Variants in ABCF3 observed in about 807,000 individuals in gnomAD.
ABCF3 encodes ATP binding cassette subfamily F member 3.
In ABCF3, 62 loss-of-function variants were observed where a neutral mutation model predicts 94.3. The observed-to-expected ratio is 0.66, with a 90% CI of 0.54 to 0.81. The LOEUF (loss-of-function observed/expected upper bound fraction) is 0.81, where lower values mean the gene tolerates loss of function less well. ABCF3 is among the 40% of genes least tolerant of loss of function. The pLI is 0.00. For missense variants in ABCF3, 843 were observed against 925.3 expected (o/e 0.91, Z 1.15); for synonymous variants, 355 against 361.1 (o/e 0.98, Z 0.19).
At chr3:184,192,028 G>C (rs537953204) in intron 16 of ABCF3, among the ~76,000 whole-genome samples, 5 of 152,206 alleles carry the variant, frequency 3.3e-5, no homozygotes, top group African/African-American at 1.2e-4. Flanking sequence ...ATACAGGCCT[G>C]AGCCACCGTG....
Position 184,186,741 on chromosome 3 carries a change from C to A in ABCF3, c.222-55C>A, listed in dbSNP as rs1428610701. ...AGGTGGGGGAGGAAGATCTGATGGC[C>A]ATAGAGCTTTTCCCTCAACTCCTAA... is the stretch of plus-strand genomic sequence containing the variant. On this transcript the variant is annotated intron_variant, in intron 2 of 20. Transcript: ENST00000429586. 2.5e-6 allele frequency: 4 copies of A among 1,597,696 alleles called. No individual in the cohort carries two copies. In the Admixed American group the frequency reaches 5.1e-5, roughly 21 times the overall value.
intron 7 of ABCF3, 149 bp downstream of exon 7, chr3:184,188,556 TC>T: frequency 8.7e-7 from 1 of 1,149,078 alleles, no homozygotes; most frequent in Non-Finnish European, 1.2e-6. Context: ...CCTTGTTCTT[TC>T]CACAGTGCCC....
Position 184,189,559 on chromosome 3 carries a change from G to C in ABCF3, c.1116G>C (p.Thr372=). Residue 372 remains threonine, a splice_region_variant and synonymous_variant, in exon 13 of 21, where the codon ACG becomes ACC. Transcript: ENST00000429586. ...CCTGCTGTCCTGTGACCCCTCAGAC[G>C]TGGCCCTCCACCATCCTAGTCGTCT... is the stretch of plus-strand genomic sequence containing the variant. ...AILWLENYLQ[T]WPSTILVVSH... 1.9e-6 allele frequency: 3 copies of C among 1,613,996 alleles called. No homozygotes were observed. The highest frequency in any genetic ancestry group is 2.5e-6 in the Non-Finnish European group (3 of 1,180,026).
chr3:184,186,451 C>G, intron 1 of ABCF3, 56 bp from the exon 2 acceptor site: 1 of 1,583,840 alleles, frequency 6.3e-7, no homozygotes, highest in East Asian at 2.2e-5. Flanking sequence ...GGGTCTGAAA[C>G]TGCTTGTGTG....
chr3:184,191,291 C>T, intron 16 of ABCF3, 36 bp downstream of exon 16: 1 of 1,611,818 alleles, frequency 6.2e-7, no homozygotes, highest in Non-Finnish European at 8.5e-7. Context: ...CGAGCTGGGA[C>T]TCTCCTGTCT....
chr3:184,190,171 A>G (rs1715926961), intron 14 of ABCF3: 1 of 573,824 alleles, frequency 1.7e-6, no homozygotes, highest in African/African-American at 1.9e-5. Flanking sequence ...TATTCTGGGC[A>G]TTTCATATAA....
In ABCF3 at chr3:184,193,728, A is replaced by G. The variant is rs577625968; in HGVS notation, c.*30A>G. On this transcript the variant is annotated 3_prime_UTR_variant, in exon 21 of 21. Transcript: ENST00000429586. This position sits in a 1 kb window ranked among gnomAD's most constrained non-coding sequence, Gnocchi z 5.2. ...ACCAGGCTGAGGACTCGCCCAGGAC[A>G]TGGACTGGTCTCTCAGACCCCTGGG... 53 of 1,560,852 alleles carry G rather than the reference A, an allele frequency of 3.4e-5. No individual in the cohort carries two copies. The Middle Eastern group carries it at 6.8e-4, about 20-fold the overall frequency.
chr3:184,191,560 G>A (rs1276822207), intron 16 of ABCF3, among the ~76,000 whole-genome samples: 1 of 152,128 alleles, frequency 6.6e-6, no homozygotes, highest in Non-Finnish European at 1.5e-5. Context: ...GAGAGCATGG[G>A]CTTCAGGGTC....
chr3:184,186,624 T>C lies in ABCF3; in HGVS notation c.191T>C (p.Val64Ala). ...DSKDDAGIRA[V>A]CQRMYNTLRL... ...AAGGATGACGCGGGCATCAGGGCCG[T>C]GTGCCAGCGCATGTACAACACTCTG... The change falls in exon 2 of 21, where the codon GTG (valine) becomes GCG (alanine). Residue 64 changes from valine to alanine, a missense_variant. Coordinates refer to ENST00000429586, the MANE Select transcript of ABCF3 (RefSeq NM_018358.3). 6.2e-7 allele frequency: 1 copy of C among 1,612,706 alleles called. No individual in the cohort carries two copies. Among genetic ancestry groups the C allele is most frequent in the Non-Finnish European group, 8.5e-7 (1 of 1,179,290 alleles).
rs773096504 is a variant in ABCF3, at chr3:184,188,772, C to T, written c.848C>T (p.Ser283Phe). The T allele has an allele frequency of 1.9e-6, 3 of 1,613,794 alleles. No individual in the cohort carries two copies. Among genetic ancestry groups the T allele is most frequent in the African/African-American group, 2.7e-5 (2 of 74,910 alleles). ...TCTCCTCCCTCCAGGGCGGAGGGCT[C>T]TGAAGCTGCAGAGCTGGCAGAAATC... is the stretch of plus-strand genomic sequence containing the variant. ...AQIAAGRAEG[S>F]EAAELAEIYA... The change falls in exon 8 of 21, where the codon TCT becomes TTT. Residue 283 changes from serine (S) to phenylalanine (F), a missense_variant. Physicochemically the swap from Ser to Phe is radical, Grantham distance 155. Transcript: ENST00000429586.
rs751999825 is a variant in ABCF3 at position 184,188,964 on chromosome 3, C to T, written c.953C>T (p.Pro318Leu). 1 of 1,614,250 alleles carries T rather than the reference C, an allele frequency of 6.2e-7. No homozygotes were observed. The highest frequency in any genetic ancestry group is 8.5e-7 in the Non-Finnish European group (1 of 1,180,040). ...ATTCTCGCTGGGCTTGGCTTTACCC[C>T]TAAAATGCAGCAGCAGCCCACCCGG... The part of the protein sequence containing the change: ...SVILAGLGFT[P>L]KMQQQPTREF... The change falls in exon 9 of 21, where the codon CCT becomes CTT. Residue 318 changes from proline (P) to leucine (L), a missense_variant. By Grantham distance (98) the Pro-to-Leu change is moderately conservative (BLOSUM62 -3). Coordinates refer to ENST00000429586, the MANE Select transcript of ABCF3 (RefSeq NM_018358.3).
At position 184,193,051 on chromosome 3, in the gene ABCF3, A is replaced by G. The variant is rs1203535332; in HGVS notation, c.1751-51A>G. On this transcript the variant is annotated intron_variant, in intron 18 of 20. Coordinates refer to ENST00000429586, the MANE Select transcript of ABCF3 (RefSeq NM_018358.3). This position sits in a 1 kb window ranked among gnomAD's most constrained non-coding sequence, Gnocchi z 5.2. ...ACTTGGAGGTGTGGCTGGAGGGCAC[A>G]GGGAGGGTGTTGGGCCAAGAAGCCA... The G allele has an allele frequency of 6.5e-7, 1 of 1,540,246 alleles. No individual in the cohort carries two copies. Among genetic ancestry groups the G allele is most frequent in the Non-Finnish European group, 8.7e-7 (1 of 1,143,120 alleles).
chr3:184,190,923 C>G, intron 14 of ABCF3, 76 bp from the exon 15 acceptor site: 1 of 1,550,468 alleles, frequency 6.4e-7, no homozygotes, highest in African/African-American at 1.4e-5. Flanking sequence ...TCTAAGTTTT[C>G]TCTGAACATA....
chr3:184,191,358 G>A (rs1217505200), intron 16 of ABCF3, 103 bp downstream of exon 16: 6 of 1,554,968 alleles, frequency 3.9e-6, no homozygotes, highest in Non-Finnish European at 4.4e-6. Context: ...GAGGTCTGTG[G>A]AACAGGAGTG....
rs767029746 is a variant in ABCF3, at chr3:184,193,365, C to G, written c.1884C>G (p.Cys628Trp). The change falls in exon 20 of 21, where the codon TGC becomes TGG. Residue 628 changes from cysteine to tryptophan, a missense_variant and splice_region_variant. By Grantham distance (215) the Cys-to-Trp change is radical. Transcript: ENST00000429586. This position sits in a 1 kb window ranked among gnomAD's most constrained non-coding sequence, Gnocchi z 5.2. ...CCACCTTCCTGGTTCTGCCTTCCAG[C>G]CCCAACTTCTACATTCTGGATGAAC... ...RVAFAQMTMPCPNFYILDEPT... is the reference protein window; with the variant it reads ...RVAFAQMTMPWPNFYILDEPT... 2.2e-5 allele frequency: 36 copies of G among 1,614,044 alleles called. No individual in the cohort carries two copies. Among genetic ancestry groups the G allele is most frequent in the Non-Finnish European group, 3.1e-5 (36 of 1,180,038 alleles).
Position 184,189,429 on chromosome 3 carries a change from G to T in ABCF3, c.1099G>T (p.Glu367Ter), listed in dbSNP as rs1715862510. 6.2e-7 allele frequency: 1 copy of T among 1,614,084 alleles called. No individual in the cohort carries two copies. Residue 367 changes from glutamate to a stop codon, truncating the protein, a stop_gained, in exon 12 of 21, where the codon GAG becomes TAG. Coordinates refer to ENST00000429586, the MANE Select transcript of ABCF3 (RefSeq NM_018358.3). LOFTEE classifies it high-confidence loss of function. ...MLDVRAILWL[E>*]NYLQTWPSTI... ...GGATGTCAGGGCCATCCTGTGGCTGGAGAATTACCTGCAGGTGAGTGCCTG... is the reference window on the plus strand; with the variant it reads ...GGATGTCAGGGCCATCCTGTGGCTGTAGAATTACCTGCAGGTGAGTGCCTG...
At chr3:184,189,059 A>C in intron 9 of ABCF3, 29 bp from the exon 10 acceptor site, 1 of 1,613,748 alleles carries the variant, frequency 6.2e-7, no homozygotes. Flanking sequence ...ATGAACACCC[A>C]CCCATAATGT....
At position 184,190,927 on chromosome 3, in the gene ABCF3, G is replaced by T; in HGVS notation, c.1392-72G>T. The stretch of plus-strand genomic sequence containing the variant: ...TACAAGCCCTTTCTAAGTTTTCTCT[G>T]AACATATATTACTCGTGTAGGAAGT... On this transcript the variant is annotated intron_variant, in intron 14 of 20. Coordinates refer to ENST00000429586, the MANE Select transcript of ABCF3 (RefSeq NM_018358.3). 3 of 1,562,422 alleles carry T rather than the reference G, an allele frequency of 1.9e-6. No homozygotes were observed. In the South Asian group the frequency reaches 3.5e-5, roughly 18 times the overall value.
chr3:184,187,369 A>G lies in ABCF3; in HGVS notation c.302-28A>G, dbSNP rs372989690. 122 of 1,613,778 alleles carry G rather than the reference A, an allele frequency of 7.6e-5. 1 individual carries two copies. The East Asian group carries it at 1.2e-3, about 16-fold the overall frequency. On this transcript the variant is annotated intron_variant, in intron 3 of 20. Transcript: ENST00000429586. The stretch of plus-strand genomic sequence containing the variant: ...GTTAGTTTCCCTTCCCTCAGGGAGA[A>G]GGTGACTGCTTTTCTTATCGCTTAC...
Sources: gnomAD v4.1 joint callset for allele counts (sites outside exome capture counted in the v4.1 genomes callset) on GRCh38, gnomAD v4.1.1 for gene constraint, Gnocchi (gnomAD v3.1) non-coding constraint, MANE v1.5 for transcripts, NCBI Gene and HGNC (gene_info 2026-07-23, HGNC 2026-07-21) for gene names.